Variants in NCOR1 observed in about 807,000 individuals in gnomAD.
NCOR1 encodes protein phosphatase 1, regulatory subunit 109.
In NCOR1, 63 loss-of-function variants were observed where a neutral mutation model predicts 288.1. The ratio of observed to expected loss-of-function variants is 0.22; its 90% CI spans 0.18 to 0.27. NCOR1 has a LOEUF of 0.27. Ranked by LOEUF, NCOR1 falls within the 10% of genes least tolerant of loss-of-function variation. The probability of loss-of-function intolerance (pLI) is 1.00; values close to 1 mark genes in which losing one functional copy is unlikely to be tolerated. For synonymous variants in NCOR1, 1,007 were observed against 1,065.9 expected, an observed-to-expected ratio of 0.94 and a Z score of 1.08; for missense variants, 2,397 against 3,019.2, an observed-to-expected ratio of 0.79 and a Z score of 4.83.
At chr17:16,206,681 T>C (rs1405768589) in intron 1 of NCOR1, among the ~76,000 whole-genome samples, 4 of 152,112 alleles carry the variant, frequency 2.6e-5, no homozygotes, top group African/African-American at 9.7e-5. Context: ...TCACCATGCC[T>C]GGCAAATTAT....
intron 40 of NCOR1, among the ~76,000 whole-genome samples, chr17:16,052,966 A>T (rs1022254434): frequency 1.3e-5 from 2 of 152,136 alleles, no homozygotes; most frequent in Non-Finnish European, 2.9e-5. Flanking sequence ...CAATAGATGC[A>T]GAAAAGGCTT....
intron 2 of NCOR1, among the ~76,000 whole-genome samples, chr17:16,187,016 T>C (rs530225380): frequency 6.6e-6 from 1 of 152,120 alleles, no homozygotes; most frequent in Admixed American, 6.5e-5. Context: ...AGCATTCCAA[T>C]ACTAAATTCA....
At chr17:16,179,182 G>A (rs2084873367) in intron 3 of NCOR1, among the ~76,000 whole-genome samples, 1 of 151,480 alleles carries the variant, frequency 6.6e-6, no homozygotes, top group Non-Finnish European at 1.5e-5. Context: ...TGGGAAATCA[G>A]GTACCTTATA....
chr17:16,152,228 A>T (rs2078982414), intron 7 of NCOR1, among the ~76,000 whole-genome samples: 1 of 152,204 alleles, frequency 6.6e-6, no homozygotes, highest in Admixed American at 6.5e-5. Context: ...ATATGTATAC[A>T]TGTGCTGTGT....
In NCOR1 at chr17:16,034,978, A is replaced by G. The variant is rs1248337657; in HGVS notation, c.6956-34T>C. On this transcript the variant is annotated intron_variant, in intron 44 of 45. Transcript: ENST00000268712. ...GAAATTCAAGTTAAAGTATTAATATATTAAGTTCTCAAAAATTACCAAAAT... is the reference window on the plus strand; with the variant it reads ...GAAATTCAAGTTAAAGTATTAATATGTTAAGTTCTCAAAAATTACCAAAAT... The G allele has an allele frequency of 1.0e-5, 16 of 1,592,592 alleles. No homozygotes were observed. In the East Asian group the frequency reaches 3.4e-4, roughly 33 times the overall value.
At chr17:16,143,416 GT>G (rs2077421531) in intron 11 of NCOR1, among the ~76,000 whole-genome samples, 189 bp downstream of exon 11, 1 of 152,248 alleles carries the variant, frequency 6.6e-6, no homozygotes, top group South Asian at 2.1e-4. Context: ...AGCCATCTTT[GT>G]AAAATTCCAG....
chr17:16,127,662 T>C (rs1485172605), intron 14 of NCOR1, among the ~76,000 whole-genome samples: 1 of 144,328 alleles, frequency 6.9e-6, no homozygotes, highest in African/African-American at 2.7e-5. Flanking sequence ...TATATATACA[T>C]ATATGTATAT....
intron 21 of NCOR1, among the ~76,000 whole-genome samples, chr17:16,092,389 A>C (rs924152221): frequency 6.6e-6 from 1 of 151,890 alleles, no homozygotes; most frequent in African/African-American, 2.4e-5. Flanking sequence ...CGGGAGGCTG[A>C]CACATGAGAA....
At chr17:16,192,889 A>C (rs2088816356) in intron 2 of NCOR1, among the ~76,000 whole-genome samples, 1 of 152,228 alleles carries the variant, frequency 6.6e-6, no homozygotes, top group South Asian at 2.1e-4. Flanking sequence ...GACATGTCAG[A>C]CATGGATAGA....
chr17:16,174,431 T>C (rs1794030022), intron 3 of NCOR1, among the ~76,000 whole-genome samples: 1 of 152,188 alleles, frequency 6.6e-6, no homozygotes, highest in Non-Finnish European at 1.5e-5. Flanking sequence ...AATTTTCAAG[T>C]ATTACATTTC....
intron 3 of NCOR1, among the ~76,000 whole-genome samples, chr17:16,181,706 T>C (rs1326495928): frequency 6.6e-6 from 1 of 152,146 alleles, no homozygotes; most frequent in Non-Finnish European, 1.5e-5. Flanking sequence ...ATAATAAAAT[T>C]TATTTTAATA....
intron 37 of NCOR1, among the ~76,000 whole-genome samples, chr17:16,059,276 T>C (rs2060293187): frequency 6.6e-6 from 1 of 152,138 alleles, no homozygotes. Flanking sequence ...AGAAAAACGC[T>C]GAGGCTATAA....
intron 22 of NCOR1, among the ~76,000 whole-genome samples, chr17:16,086,744 G>A (rs1266980378): frequency 6.6e-6 from 1 of 152,036 alleles, no homozygotes; most frequent in African/African-American, 2.4e-5. Context: ...TTTCTCTCTC[G>A]CCAATCACTC....
At chr17:16,187,714 G>A (rs530261076) in intron 2 of NCOR1, among the ~76,000 whole-genome samples, 1 of 151,972 alleles carries the variant, frequency 6.6e-6, no homozygotes, top group East Asian at 1.9e-4. Flanking sequence ...AGACTAGTCT[G>A]GGCAACATAG....
chr17:16,036,535 T>C (rs1692152459), intron 44 of NCOR1, among the ~76,000 whole-genome samples: 1 of 152,216 alleles, frequency 6.6e-6, no homozygotes, highest in South Asian at 2.1e-4. Flanking sequence ...GGAAGATCTG[T>C]TGTTTAATGC....
intron 18 of NCOR1, 97 bp from the exon 19 acceptor site, chr17:16,109,009 AC>A (rs2153058495): frequency 1.1e-5 from 10 of 917,400 alleles, no homozygotes; most frequent in South Asian, 2.7e-5. Context: ...ACACACACAC[AC>A]CAGACAAGGA....
At chr17:16,197,432 T>C (rs1194165948) in intron 1 of NCOR1, among the ~76,000 whole-genome samples, 1 of 152,178 alleles carries the variant, frequency 6.6e-6, no homozygotes, top group Non-Finnish European at 1.5e-5. Flanking sequence ...TTGTGAAAGC[T>C]GACCAGGAGA....
intron 5 of NCOR1, among the ~76,000 whole-genome samples, chr17:16,161,270 C>CA (rs2080813866): frequency 6.8e-6 from 1 of 148,028 alleles, no homozygotes; most frequent in African/African-American, 2.5e-5. Flanking sequence ...CACACACACA[C>CA]ACTCCCTCAC....
At chr17:16,047,361 A>C (rs932442574) in intron 41 of NCOR1, among the ~76,000 whole-genome samples, 3 of 152,256 alleles carry the variant, frequency 2.0e-5, no homozygotes, top group Admixed American at 6.5e-5. Context: ...AGGAATGAAG[A>C]AGCAGTAAAT....
Sources: gnomAD v4.1 joint callset for allele counts (sites outside exome capture counted in the v4.1 genomes callset) on GRCh38, gnomAD v4.1.1 for gene constraint, MANE v1.5 for transcripts, NCBI Gene and HGNC (gene_info 2026-07-23, HGNC 2026-07-21) for gene names.